The following ZNF385D variants were observed in gnomAD, a reference collection of about 807,000 sequenced individuals.
ZNF385D encodes zinc finger protein 385D, also known as zinc finger protein 659.
ZNF385D carries 15 observed loss-of-function variants against 35.8 expected under a neutral mutation model. That is an observed-to-expected ratio of 0.42 (90% CI 0.28 to 0.64). ZNF385D has a LOEUF of 0.64. ZNF385D is among the 30% of genes least tolerant of loss of function. ZNF385D has a pLI of 0.23. For missense variants in ZNF385D, 474 were observed against 494.6 expected, an observed-to-expected ratio of 0.96 and a Z score of 0.39; for synonymous variants, 212 against 186.8, an observed-to-expected ratio of 1.13 and a Z score of -1.10.
intron 3 of ZNF385D, among the ~76,000 whole-genome samples, chr3:21,889,800 C>G (rs147383333): frequency 7.2e-5 from 11 of 152,060 alleles, no homozygotes; most frequent in African/African-American, 2.7e-4. Flanking sequence ...GTTCTGGAGA[C>G]CAGAAGTTTG....
chr3:21,815,294 C>T (rs1164249394), intron 3 of ZNF385D, among the ~76,000 whole-genome samples: 1 of 152,094 alleles, frequency 6.6e-6, no homozygotes, highest in South Asian at 2.1e-4. Context: ...CAAGAGCAAA[C>T]AGATTCAAAA....
chr3:22,122,209 AG>A (rs1370874128), intron 3 of ZNF385D, among the ~76,000 whole-genome samples: 2 of 152,114 alleles, frequency 1.3e-5, no homozygotes, highest in African/African-American at 4.8e-5. Flanking sequence ...TTAGTTAATA[AG>A]TTTACCTTCT....
intron 2 of ZNF385D, among the ~76,000 whole-genome samples, chr3:22,363,523 T>C (rs559792186): frequency 1.3e-5 from 2 of 152,330 alleles, no homozygotes; most frequent in African/African-American, 4.8e-5. Flanking sequence ...AAGGATGTTG[T>C]TCACAGGGCC....
intron 2 of ZNF385D, among the ~76,000 whole-genome samples, chr3:21,571,591 G>T (rs1336764862): frequency 4.6e-5 from 7 of 152,086 alleles, no homozygotes; most frequent in Non-Finnish European, 1.0e-4. Context: ...CAGAGTTGGT[G>T]TAGACTCCAC....
chr3:21,579,840 C>A (rs1162733072), intron 2 of ZNF385D: 1 of 151,668 alleles, frequency 6.6e-6, no homozygotes, highest in Non-Finnish European at 1.5e-5. Flanking sequence ...GCATTGTATT[C>A]TCCCTGTGTC....
chr3:22,162,359 A>AT (rs1436898803), intron 3 of ZNF385D, among the ~76,000 whole-genome samples: 2 of 152,164 alleles, frequency 1.3e-5, no homozygotes, highest in Non-Finnish European at 2.9e-5. Context: ...GAAAATCTAC[A>AT]TTAGTAAAGT....
intron 1 of ZNF385D, among the ~76,000 whole-genome samples, chr3:21,701,582 C>G (rs1478041890): frequency 6.6e-6 from 1 of 152,090 alleles, no homozygotes. Flanking sequence ...CAACAGTCCC[C>G]CAAAGTCTTA....
At chr3:21,684,392 CTCTCTCTCTCTCCTCT>C (rs2067025142) in intron 1 of ZNF385D, among the ~76,000 whole-genome samples, 2 of 89,488 alleles carry the variant, frequency 2.2e-5, no homozygotes, top group Non-Finnish European at 4.2e-5. Flanking sequence ...CTCTCTCTCT[CTCTCTCTCTCTCCTCT>C]CTCTCTCTCT....
intron 3 of ZNF385D, among the ~76,000 whole-genome samples, chr3:22,003,462 G>C (rs376254932): frequency 3.2e-4 from 48 of 152,280 alleles, no homozygotes; most frequent in Middle Eastern, 6.8e-3. Context: ...TATGCTCATG[G>C]ATTGGTAGAA....
At chr3:21,669,585 C>T (rs1456157046) in intron 1 of ZNF385D, among the ~76,000 whole-genome samples, 1 of 152,072 alleles carries the variant, frequency 6.6e-6, no homozygotes, top group Non-Finnish European at 1.5e-5. Flanking sequence ...TAAATTTAGA[C>T]ATGTTTGTTT....
At chr3:21,608,638 A>C (rs2064570013) in intron 2 of ZNF385D, among the ~76,000 whole-genome samples, 1 of 152,232 alleles carries the variant, frequency 6.6e-6, no homozygotes, top group Non-Finnish European at 1.5e-5. Flanking sequence ...TTATACAAAG[A>C]GTTCAAAAAA....
intron 2 of ZNF385D, among the ~76,000 whole-genome samples, chr3:22,293,815 T>A (rs1229614694): frequency 6.6e-6 from 1 of 152,136 alleles, no homozygotes; most frequent in East Asian, 1.9e-4. Flanking sequence ...ACTGAATCAG[T>A]ATCCCTGGAG....
At chr3:21,625,125 T>A (rs2125822566) in intron 2 of ZNF385D, among the ~76,000 whole-genome samples, 1 of 152,178 alleles carries the variant, frequency 6.6e-6, no homozygotes, top group Non-Finnish European at 1.5e-5. Flanking sequence ...AAAAATAATT[T>A]GATAGCAGAC....
At chr3:21,780,427 G>T (rs992686998) in intron 3 of ZNF385D, among the ~76,000 whole-genome samples, 4 of 151,754 alleles carry the variant, frequency 2.6e-5, no homozygotes, top group African/African-American at 7.3e-5. Context: ...TTTCTACTGC[G>T]CAGCCCTCAC....
chr3:21,539,643 G>C lies in ZNF385D; in HGVS notation c.276+24931C>G, dbSNP rs960053339. On this transcript the variant is annotated intron_variant, in intron 3 of 7. Coordinates refer to ENST00000281523, the MANE Select transcript of ZNF385D (RefSeq NM_024697.3). This position sits in a 1 kb window ranked among gnomAD's most constrained non-coding sequence, Gnocchi z 4.0. ...AAAATACAACAAAATACAAGAAAGA[G>C]AAAAATAGTTTCTTTATGGAATACA... Among the ~76,000 whole-genome samples, 1 of 151,858 alleles carries C rather than the reference G, an allele frequency of 6.6e-6. No individual in the cohort carries two copies. Among genetic ancestry groups the C allele is most frequent in the Non-Finnish European group, 1.5e-5 (1 of 67,916 alleles).
intron 2 of ZNF385D, among the ~76,000 whole-genome samples, chr3:22,339,007 C>T (rs1047752895): frequency 6.6e-6 from 1 of 151,950 alleles, no homozygotes; most frequent in Non-Finnish European, 1.5e-5. Context: ...GGCCTCATCT[C>T]ACTTTTTAAA....
At chr3:22,256,575 C>T (rs1700330017) in intron 2 of ZNF385D, among the ~76,000 whole-genome samples, 1 of 151,806 alleles carries the variant, frequency 6.6e-6, no homozygotes, top group Non-Finnish European at 1.5e-5. Context: ...AATATAATTT[C>T]TGTCTACAAG....
intron 3 of ZNF385D, among the ~76,000 whole-genome samples, chr3:21,822,739 T>C (rs552983638): frequency 5.9e-5 from 9 of 152,028 alleles, no homozygotes; most frequent in African/African-American, 1.9e-4. Flanking sequence ...GATTGGAACA[T>C]AGCAGGAAAA....
intron 3 of ZNF385D, among the ~76,000 whole-genome samples, chr3:21,947,073 T>C (rs1261030027): frequency 6.6e-6 from 1 of 152,164 alleles, no homozygotes; most frequent in Non-Finnish European, 1.5e-5. Context: ...ACCTAAATTT[T>C]TCCAAATGGA....
Sources: allele counts gnomAD v4.1 joint callset (sites outside exome capture counted in the v4.1 genomes callset), GRCh38; gene constraint gnomAD v4.1.1; non-coding constraint Gnocchi (gnomAD v3.1); transcripts MANE v1.5; gene names NCBI Gene and HGNC (gene_info 2026-07-23, HGNC 2026-07-21).